Variants in GRID1 observed in about 807,000 individuals in gnomAD.
GRID1 encodes glutamate receptor ionotropic, delta-1.
In GRID1, 28 loss-of-function variants were observed where a neutral mutation model predicts 98.0. The ratio of observed to expected loss-of-function variants is 0.29; its 90% CI spans 0.21 to 0.39. The LOEUF (loss-of-function observed/expected upper bound fraction) is 0.39. Ranked by LOEUF, GRID1 falls within the 10% of genes least tolerant of loss-of-function variation. GRID1 has a pLI of 1.00. For synonymous variants in GRID1, 553 were observed against 538.5 expected, an observed-to-expected ratio of 1.03 and a Z score of -0.37; for missense variants, 1,111 against 1,340.5, an observed-to-expected ratio of 0.83 and a Z score of 2.67.
chr10:86,103,295 CT>C (rs1424433675), intron 4 of GRID1, among the ~76,000 whole-genome samples: 1 of 152,176 alleles, frequency 6.6e-6, no homozygotes. Context: ...ACTCTGCCAC[CT>C]GAGGCTGACC....
At chr10:85,675,147 A>T (rs566797439) in intron 12 of GRID1, among the ~76,000 whole-genome samples, 3 of 152,216 alleles carry the variant, frequency 2.0e-5, no homozygotes, top group Non-Finnish European at 4.4e-5. Flanking sequence ...TCCCAGGGAA[A>T]GTTTTAAGAA....
At chr10:86,266,787 C>G (rs1460808143) in intron 2 of GRID1, among the ~76,000 whole-genome samples, 1 of 152,232 alleles carries the variant, frequency 6.6e-6, no homozygotes, top group Non-Finnish European at 1.5e-5. Context: ...GATTCACAGG[C>G]AGCATGGAGC....
chr10:85,994,379 T>C (rs769677020), intron 4 of GRID1, among the ~76,000 whole-genome samples: 20 of 152,216 alleles, frequency 1.3e-4, no homozygotes, highest in Non-Finnish European at 2.5e-4. Context: ...TCAGGCCAAC[T>C]TGAGATTAAA....
rs558495457 is a variant in GRID1 at position 85,894,844 on chromosome 10, C to T, written c.780+21342G>A. Among the ~76,000 whole-genome samples the T allele has an allele frequency of 5.9e-5, 9 of 151,518 alleles. No individual in the cohort carries two copies. The East Asian group carries it at 1.6e-3, about 26-fold the overall frequency. ...CCAGCATGGTGAAACCCCGTCTCTA[C>T]TAAAAATACAAAAATTAGCCCGGCA... On this transcript the variant is annotated intron_variant, in intron 5 of 15. Coordinates refer to ENST00000327946, the MANE Select transcript of GRID1 (RefSeq NM_017551.3).
intron 8 of GRID1, among the ~76,000 whole-genome samples, chr10:85,807,742 A>G (rs1166819632): frequency 1.3e-5 from 2 of 152,172 alleles, no homozygotes; most frequent in Non-Finnish European, 2.9e-5. Context: ...GGTGAAGAAG[A>G]TGAGGATCAG....
chr10:86,303,175 A>G (rs1847714608), intron 2 of GRID1, among the ~76,000 whole-genome samples: 1 of 152,250 alleles, frequency 6.6e-6, no homozygotes, highest in South Asian at 2.1e-4. Flanking sequence ...TTAAGTGTTT[A>G]GAAGTAAAAT....
At chr10:85,637,495 T>A (rs755947932) in intron 13 of GRID1, among the ~76,000 whole-genome samples, 1 of 152,198 alleles carries the variant, frequency 6.6e-6, no homozygotes, top group Non-Finnish European at 1.5e-5. Flanking sequence ...GGGAGGCATA[T>A]TGAAGACAGC....
At chr10:86,063,714 C>A (rs543777965) in intron 4 of GRID1, among the ~76,000 whole-genome samples, 2 of 151,788 alleles carry the variant, frequency 1.3e-5, no homozygotes, top group Non-Finnish European at 2.9e-5. Context: ...AAAAGTCAGA[C>A]CAAAGAAGAA....
chr10:86,056,982 G>C (rs972883334), intron 4 of GRID1, among the ~76,000 whole-genome samples: 18 of 152,230 alleles, frequency 1.2e-4, no homozygotes, highest in African/African-American at 4.3e-4. Flanking sequence ...TTAGACTGTG[G>C]TAGAACTCTT....
chr10:86,280,143 C>T (rs115039645), intron 2 of GRID1, among the ~76,000 whole-genome samples: 3,434 of 152,236 alleles, frequency 0.023, 44 homozygotes, highest in Middle Eastern at 0.051. Flanking sequence ...GTCAAGGCTA[C>T]AGTGAGCTAT....
chr10:86,357,051 A>G lies in GRID1; in HGVS notation c.235+6890T>C, dbSNP rs961642058. 2.0e-5 allele frequency among the ~76,000 whole-genome samples: 3 copies of G among 152,326 alleles called. No homozygotes were observed. In the South Asian group the frequency reaches 6.2e-4, roughly 32 times the overall value. On this transcript the variant is annotated intron_variant, in intron 2 of 15. Transcript: ENST00000327946. ...GCTGGCCCCCAAGAGAAACCTGGAG[A>G]AATGGCTCCAGGAGGAAAATTGTCA...
intron 5 of GRID1, among the ~76,000 whole-genome samples, chr10:85,895,149 G>A (rs1051585035): frequency 6.6e-6 from 1 of 151,366 alleles, no homozygotes; most frequent in African/African-American, 2.4e-5. Context: ...CCTGACATCA[G>A]TTTAATCAAC....
chr10:86,123,820 T>G (rs1435379698), intron 4 of GRID1, among the ~76,000 whole-genome samples: 1 of 152,218 alleles, frequency 6.6e-6, no homozygotes, highest in Non-Finnish European at 1.5e-5. Context: ...CTCTTTAGGC[T>G]GATTGCTTGC....
intron 15 of GRID1, among the ~76,000 whole-genome samples, chr10:85,608,009 G>A (rs929778045): frequency 2.6e-5 from 4 of 151,830 alleles, no homozygotes; most frequent in African/African-American, 9.7e-5. Context: ...TAGAGACTGG[G>A]GTCTAGCTTT....
At chr10:86,147,244 T>C (rs968797291) in intron 3 of GRID1, among the ~76,000 whole-genome samples, 2 of 152,156 alleles carry the variant, frequency 1.3e-5, no homozygotes, top group African/African-American at 4.8e-5. Context: ...CAGAGTGACA[T>C]CCCATCCCTC....
At chr10:85,907,291 T>C (rs1004453004) in intron 5 of GRID1, among the ~76,000 whole-genome samples, 11 of 152,298 alleles carry the variant, frequency 7.2e-5, no homozygotes, top group Middle Eastern at 6.8e-3. Flanking sequence ...TTTGCATTTC[T>C]AGTAGAGATG....
At chr10:85,900,754 G>A (rs909394304) in intron 5 of GRID1, among the ~76,000 whole-genome samples, 2 of 152,182 alleles carry the variant, frequency 1.3e-5, no homozygotes, top group African/African-American at 2.4e-5. Flanking sequence ...CTCTGAGGGT[G>A]AGGGACTCAT....
At chr10:85,607,887 G>A (rs1420596457) in intron 15 of GRID1, among the ~76,000 whole-genome samples, 3 of 148,702 alleles carry the variant, frequency 2.0e-5, no homozygotes, top group African/African-American at 5.0e-5. Context: ...GCCCAATCTC[G>A]GCTCACTGCA....
chr10:85,926,707 G>C (rs1352086173), intron 4 of GRID1, among the ~76,000 whole-genome samples: 2 of 152,178 alleles, frequency 1.3e-5, no homozygotes, highest in African/African-American at 4.8e-5. Flanking sequence ...GGCTTAGAGA[G>C]AAAACTGTGA....
Sources: gnomAD v4.1 joint callset for allele counts (sites outside exome capture counted in the v4.1 genomes callset) on GRCh38, gnomAD v4.1.1 for gene constraint, MANE v1.5 for transcripts, NCBI Gene and HGNC (gene_info 2026-07-23, HGNC 2026-07-21) for gene names.